DAGLA: variants seen among roughly 807,000 people sequenced by gnomAD.
DAGLA encodes diacylglycerol lipase-alpha.
A neutral mutation model predicts 102.6 loss-of-function variants in DAGLA; 22 were observed. The ratio of observed to expected loss-of-function variants is 0.21; its 90% CI spans 0.15 to 0.31. The LOEUF (loss-of-function observed/expected upper bound fraction) is 0.31, where lower values mean the gene tolerates loss of function less well. Among genes scored for constraint, DAGLA ranks in the 10% least tolerant of loss-of-function variants. The pLI is 1.00. For synonymous variants in DAGLA, 578 were observed against 628.9 expected, an observed-to-expected ratio of 0.92 and a Z score of 1.21; for missense variants, 927 against 1,446.6, an observed-to-expected ratio of 0.64 and a Z score of 5.83.
chr11:61,714,121 G>A (rs144518494), intron 1 of DAGLA, among the ~76,000 whole-genome samples: 5 of 152,284 alleles, frequency 3.3e-5, no homozygotes, highest in African/African-American at 7.2e-5. Flanking sequence ...TATAGCAACC[G>A]TGGGGGCCCT....
chr11:61,718,995 C>T (rs1369238522), intron 1 of DAGLA, among the ~76,000 whole-genome samples: 1 of 152,220 alleles, frequency 6.6e-6, no homozygotes, highest in Non-Finnish European at 1.5e-5. Context: ...CTGCCCCGGA[C>T]CAGGTGCCAT....
intron 8 of DAGLA, among the ~76,000 whole-genome samples, chr11:61,730,551 C>T (rs2065364978): frequency 6.6e-6 from 1 of 152,190 alleles, no homozygotes; most frequent in African/African-American, 2.4e-5. Context: ...AATTCCCTCT[C>T]CCGGTGCCTG....
intron 10 of DAGLA, 34 bp from the exon 11 acceptor site, chr11:61,735,527 G>A: frequency 6.2e-7 from 1 of 1,603,522 alleles, no homozygotes; most frequent in South Asian, 1.1e-5. Context: ...GCCCCACCAG[G>A]GCCGCTCAGG....
intron 1 of DAGLA, among the ~76,000 whole-genome samples, chr11:61,700,693 G>A (rs17827918): frequency 0.091 from 13,924 of 152,214 alleles, 952 homozygotes; most frequent in Admixed American, 0.2. Context: ...GCAAGGAGCC[G>A]GGTGCCTCCC....
chr11:61,709,447 G>T (rs941761872), intron 1 of DAGLA, among the ~76,000 whole-genome samples: 8 of 152,184 alleles, frequency 5.3e-5, no homozygotes, highest in Non-Finnish European at 7.3e-5. Context: ...TGTTGGCTAG[G>T]CTGGTCTCGA....
At chr11:61,743,454 C>A (rs1302992032) in intron 19 of DAGLA, 78 bp from the exon 20 acceptor site, 1 of 1,156,816 alleles carries the variant, frequency 8.6e-7, no homozygotes, top group East Asian at 2.5e-5. Context: ...CCTGCAAGTT[C>A]CTTTTAGCCA....
At chr11:61,731,173 T>G (rs1463760671) in intron 8 of DAGLA, 144 bp from the exon 9 acceptor site, 18 of 878,284 alleles carry the variant, frequency 2.0e-5, no homozygotes, top group Non-Finnish European at 2.4e-5. Context: ...CTCCAAGGCC[T>G]GGGCCCCACA....
chr11:61,745,382 C>T lies in DAGLA; in HGVS notation c.*893C>T, dbSNP rs1265967759. ...TTCCTCTGAGGGCCCCACCTCACCC[C>T]TTGGTGTCACCCCCACCACGCCTAG... On this transcript the variant is annotated 3_prime_UTR_variant, in exon 20 of 20. Coordinates refer to ENST00000257215, the MANE Select transcript of DAGLA (RefSeq NM_006133.3). 1 of 152,838 alleles carries T rather than the reference C, an allele frequency of 6.5e-6. No individual in the cohort carries two copies. The highest frequency in any genetic ancestry group is 6.5e-5 in the Admixed American group (1 of 15,312). The allele number at this position is 152,838 out of a possible 1,614,324, so 9.5% of individuals were successfully genotyped here.
chr11:61,724,369 A>G (rs1243364370), intron 5 of DAGLA, among the ~76,000 whole-genome samples: 3 of 152,128 alleles, frequency 2.0e-5, no homozygotes, highest in Non-Finnish European at 4.4e-5. Context: ...CCTTTACGCA[A>G]TTCATCCATT....
chr11:61,733,166 A>G (rs1223059854), intron 9 of DAGLA, among the ~76,000 whole-genome samples: 1 of 152,232 alleles, frequency 6.6e-6, no homozygotes, highest in Non-Finnish European at 1.5e-5. Context: ...TGAGGCTTAG[A>G]ATGGCTGAGT....
intron 1 of DAGLA, among the ~76,000 whole-genome samples, chr11:61,709,385 A>C (rs1254505291): frequency 6.6e-6 from 1 of 152,212 alleles, no homozygotes. Flanking sequence ...CTGGGATTAC[A>C]GGCATGCACC....
At chr11:61,732,874 C>G (rs2065387944) in intron 9 of DAGLA, among the ~76,000 whole-genome samples, 1 of 152,138 alleles carries the variant, frequency 6.6e-6, no homozygotes, top group Non-Finnish European at 1.5e-5. Flanking sequence ...AGTTCTCAGC[C>G]CATGCAGAGC....
intron 1 of DAGLA, among the ~76,000 whole-genome samples, chr11:61,688,263 C>T (rs1435460983): frequency 6.8e-6 from 1 of 147,674 alleles, no homozygotes; most frequent in Non-Finnish European, 1.5e-5. Flanking sequence ...TGCAGTGAGC[C>T]GAGGTCGTGC....
chr11:61,737,951 C>T (rs1344404735), intron 15 of DAGLA, among the ~76,000 whole-genome samples, 184 bp from the exon 16 acceptor site: 2 of 152,262 alleles, frequency 1.3e-5, no homozygotes, highest in Non-Finnish European at 2.9e-5. Flanking sequence ...CCCTGCCTGT[C>T]CTCTCACTCC....
At position 61,735,617 on chromosome 11, in the gene DAGLA, C is replaced by A. The variant is rs768705371; in HGVS notation, c.1185C>A (p.Ile395=). The change falls in exon 11 of 20, where the codon ATC becomes ATA. Residue 395 remains isoleucine, a synonymous_variant. Coordinates refer to ENST00000257215, the MANE Select transcript of DAGLA (RefSeq NM_006133.3). The part of the protein sequence containing the change: ...AVDHDKKKVV[I]SIRGTLSPKD... ...ACCATGACAAGAAGAAAGTGGTGATCAGTATCCGGGGGACCCTGTCCCCCA... is the reference window on the plus strand; with the variant it reads ...ACCATGACAAGAAGAAAGTGGTGATAAGTATCCGGGGGACCCTGTCCCCCA... 3 of 1,614,072 alleles carry A rather than the reference C, an allele frequency of 1.9e-6. No individual in the cohort carries two copies. The highest frequency in any genetic ancestry group is 1.7e-6 in the Non-Finnish European group (2 of 1,179,954).
At chr11:61,731,540 G>A (rs2065375188) in intron 9 of DAGLA, 99 bp downstream of exon 9, 1 of 1,504,948 alleles carries the variant, frequency 6.6e-7, no homozygotes, top group African/African-American at 1.4e-5. Context: ...TGCCCTGAAT[G>A]GCTTCTTTTC....
chr11:61,714,959 A>T (rs2065224815), intron 1 of DAGLA, among the ~76,000 whole-genome samples: 1 of 152,148 alleles, frequency 6.6e-6, no homozygotes, highest in South Asian at 2.1e-4. Flanking sequence ...TTACCAGATG[A>T]CAGGCGCTGT....
intron 1 of DAGLA, among the ~76,000 whole-genome samples, chr11:61,712,771 AAG>A (rs2065205650): frequency 6.6e-6 from 1 of 152,178 alleles, no homozygotes; most frequent in Admixed American, 6.5e-5. Context: ...CACTGGGAAG[AAG>A]GGGAAGGTAC....
chr11:61,735,674 G>A, intron 11 of DAGLA, 30 bp downstream of exon 11: 1 of 1,613,186 alleles, frequency 6.2e-7, no homozygotes, highest in Admixed American at 1.7e-5. Flanking sequence ...CAGCCCCCGG[G>A]GGTGCCTGCC....
Sources: gnomAD v4.1 joint callset for allele counts (sites outside exome capture counted in the v4.1 genomes callset) on GRCh38, gnomAD v4.1.1 for gene constraint, MANE v1.5 for transcripts, NCBI Gene and HGNC (gene_info 2026-07-23, HGNC 2026-07-21) for gene names.